Variants in PTPRD observed in about 807,000 individuals in gnomAD.
PTPRD encodes protein tyrosine phosphatase receptor type D, also known as receptor-type tyrosine-protein phosphatase delta.
PTPRD carries 34 observed loss-of-function variants against 214.5 expected under a neutral mutation model. That is an observed-to-expected ratio of 0.16 (90% confidence interval 0.12 to 0.21). The LOEUF (loss-of-function observed/expected upper bound fraction) is 0.21, where lower values mean the gene tolerates loss of function less well. Among genes scored for constraint, PTPRD ranks in the 10% least tolerant of loss-of-function variants. PTPRD has a pLI of 1.00. For synonymous variants in PTPRD, 1,128 were observed against 845.7 expected (o/e 1.33, Z -5.79); for missense variants, 2,545 against 2,398.7 (o/e 1.06, Z -1.27).
intron 9 of PTPRD, among the ~76,000 whole-genome samples, chr9:9,320,563 A>G (rs1333123): frequency 1.3e-5 from 2 of 152,028 alleles, no homozygotes; most frequent in African/African-American, 2.4e-5. Context: ...AGTCCTTTAC[A>G]CCGACTCTCT....
intron 9 of PTPRD, among the ~76,000 whole-genome samples, chr9:9,249,143 C>CT (rs1327283669): frequency 2.6e-5 from 4 of 151,914 alleles, no homozygotes; most frequent in African/African-American, 9.7e-5. Context: ...TGAGTTCTAG[C>CT]TTTATTAGTT....
At chr9:8,690,564 C>T (rs2097782460) in intron 12 of PTPRD, among the ~76,000 whole-genome samples, 1 of 151,460 alleles carries the variant, frequency 6.6e-6, no homozygotes, top group Admixed American at 6.6e-5. Flanking sequence ...ATCATATGGT[C>T]AGTAATTTAT....
chr9:10,105,391 G>C (rs2098615682), intron 3 of PTPRD, among the ~76,000 whole-genome samples: 1 of 151,866 alleles, frequency 6.6e-6, no homozygotes, highest in African/African-American at 2.4e-5. Flanking sequence ...TAGTTAGGTA[G>C]AAAAGCTACA....
chr9:8,600,183 C>G (rs1035109072), intron 14 of PTPRD, among the ~76,000 whole-genome samples: 2 of 152,134 alleles, frequency 1.3e-5, no homozygotes, highest in African/African-American at 4.8e-5. Flanking sequence ...TGTATTCAGC[C>G]GACACCTGCC....
intron 5 of PTPRD, among the ~76,000 whole-genome samples, chr9:9,826,876 C>T (rs1035905827): frequency 2.0e-5 from 3 of 151,934 alleles, no homozygotes; most frequent in Admixed American, 6.6e-5. Context: ...GACAAACAGC[C>T]AAATCATGAG....
At chr9:9,347,108 C>A (rs376111093) in intron 9 of PTPRD, among the ~76,000 whole-genome samples, 5 of 151,988 alleles carry the variant, frequency 3.3e-5, no homozygotes, top group Non-Finnish European at 5.9e-5. Flanking sequence ...TTGAGGCTGC[C>A]GTAAGCTGTG....
intron 8 of PTPRD, among the ~76,000 whole-genome samples, chr9:9,500,896 C>A (rs1455695592): frequency 1.3e-5 from 2 of 152,028 alleles, no homozygotes; most frequent in South Asian, 4.1e-4. Context: ...TGTTTTTATA[C>A]TACTCTATTT....
intron 10 of PTPRD, among the ~76,000 whole-genome samples, chr9:9,074,972 A>T (rs1028806453): frequency 6.6e-6 from 1 of 151,960 alleles, no homozygotes; most frequent in African/African-American, 2.4e-5. Context: ...AATATAGAAC[A>T]AAGATGGTCT....
intron 9 of PTPRD, among the ~76,000 whole-genome samples, chr9:9,215,506 C>G (rs1300633023): frequency 3.3e-5 from 5 of 152,050 alleles, no homozygotes; most frequent in Admixed American, 3.3e-4. Flanking sequence ...TTCCACTGCT[C>G]CATGGGCTAA....
At chr9:8,362,274 G>C (rs1313605946) in intron 39 of PTPRD, among the ~76,000 whole-genome samples, 1 of 152,182 alleles carries the variant, frequency 6.6e-6, no homozygotes, top group African/African-American at 2.4e-5. Flanking sequence ...AAGAGGTTTT[G>C]CTAAGCTTGT....
At chr9:10,354,708 G>C (rs537922679) in intron 2 of PTPRD, among the ~76,000 whole-genome samples, 60 of 152,324 alleles carry the variant, frequency 3.9e-4, no homozygotes, top group Admixed American at 3.9e-3. Context: ...GATGAAACAT[G>C]AGGCTACTGC....
At chr9:10,598,222 A>G (rs1215168435) in intron 2 of PTPRD, among the ~76,000 whole-genome samples, 2 of 151,866 alleles carry the variant, frequency 1.3e-5, no homozygotes, top group Non-Finnish European at 2.9e-5. Context: ...TATTACTCCG[A>G]ACTTGAACAT....
chr9:10,250,751 T>C (rs1172754456), intron 3 of PTPRD, among the ~76,000 whole-genome samples: 2 of 151,966 alleles, frequency 1.3e-5, no homozygotes, highest in Non-Finnish European at 1.5e-5. Context: ...AGCACAAAGG[T>C]TCAGGGAAGA....
rs5896339 is a variant in PTPRD at position 9,479,347 on chromosome 9, GCACACACACACA to G, written c.-236-81877_-236-81866del. 9.5e-5 allele frequency among the ~76,000 whole-genome samples: 14 copies of G among 146,782 alleles called. 1 individual carries two copies. In the East Asian group the frequency reaches 2.0e-3, roughly 21 times the overall value. On this transcript the variant is annotated intron_variant, in intron 8 of 45. Coordinates refer to ENST00000381196, the MANE Select transcript of PTPRD (RefSeq NM_002839.4). ...CCTTCGAGAAAATGTGAAAACTGAT[GCACACACACACA>G]CACACACACACACATACACTCATTG...
chr9:10,036,506 G>GCACACACA (rs59938783), intron 3 of PTPRD, among the ~76,000 whole-genome samples: 2,025 of 142,068 alleles, frequency 0.014, 45 homozygotes, highest in African/African-American at 0.051. Context: ...ACACACTCAT[G>GCACACACA]CACACACACA....
At chr9:8,745,512 C>T (rs1184032338) in intron 11 of PTPRD, among the ~76,000 whole-genome samples, 1 of 152,082 alleles carries the variant, frequency 6.6e-6, no homozygotes, top group Non-Finnish European at 1.5e-5. Flanking sequence ...CAGTCACTGT[C>T]CTAGACCAAT....
At chr9:9,197,168 T>G (rs1398173678) in intron 9 of PTPRD, among the ~76,000 whole-genome samples, 1 of 152,162 alleles carries the variant, frequency 6.6e-6, no homozygotes, top group Non-Finnish European at 1.5e-5. Context: ...TATCTTCACT[T>G]TCTGGAAGCA....
At chr9:8,498,060 C>G (rs1030477071) in intron 25 of PTPRD, among the ~76,000 whole-genome samples, 3 of 152,152 alleles carry the variant, frequency 2.0e-5, no homozygotes, top group African/African-American at 7.2e-5. Context: ...TCAATGGCCC[C>G]TTTCCAGTGT....
intron 4 of PTPRD, among the ~76,000 whole-genome samples, chr9:10,013,851 T>A (rs1440038935): frequency 6.6e-6 from 1 of 152,016 alleles, no homozygotes; most frequent in Non-Finnish European, 1.5e-5. Flanking sequence ...TCTTGGTTAA[T>A]ATGCAGAGTC....
Sources: gnomAD v4.1 joint callset for allele counts (sites outside exome capture counted in the v4.1 genomes callset) on GRCh38, gnomAD v4.1.1 for gene constraint, MANE v1.5 for transcripts, NCBI Gene and HGNC (gene_info 2026-07-23, HGNC 2026-07-21) for gene names.